Variants in PAK1 observed in about 807,000 individuals in gnomAD.
PAK1 encodes the protein p21 (RAC1) activated kinase 1.
A neutral mutation model predicts 67.4 loss-of-function variants in PAK1; 29 were observed. That is an observed-to-expected ratio of 0.43 (90% CI 0.32 to 0.59). The LOEUF is 0.59. PAK1 is among the 20% of genes least tolerant of loss of function. The pLI is 0.07. For synonymous variants in PAK1, 223 were observed against 237.4 expected (o/e 0.94, Z 0.56); for missense variants, 337 against 670.7 (o/e 0.50, Z 5.50).
chr11:77,522,806 A>G, the PAK1 span, among the ~76,000 whole-genome samples: 2 of 152,218 alleles, frequency 1.3e-5, no homozygotes, highest in Non-Finnish European at 2.9e-5. Flanking sequence ...AATAGCAAAG[A>G]CATGAAATCA....
chr11:77,324,776 C>CAG (rs749691736), intron 14 of PAK1, among the ~76,000 whole-genome samples: 5,984 of 126,816 alleles, frequency 0.047, 222 homozygotes, highest in African/African-American at 0.17. Context: ...CACACACACA[C>CAG]AGAGAGAGAG....
intron 14 of PAK1, among the ~76,000 whole-genome samples, chr11:77,332,362 GGGAA>G: frequency 1.7e-3 from 2 of 1,176 alleles, no homozygotes; most frequent in Non-Finnish European, 6.7e-3. Context: ...GGGAAGGGAA[GGGAA>G]AGGAAGGGAA....
chr11:77,426,078 C>CTTTTT (rs35602138), intron 1 of PAK1, among the ~76,000 whole-genome samples: 1 of 117,240 alleles, frequency 8.5e-6, no homozygotes, highest in African/African-American at 3.4e-5. Context: ...TTGAAGGCCT[C>CTTTTT]TTTTTTTTTT....
chr11:77,364,678 C>T (rs143030209), intron 5 of PAK1, among the ~76,000 whole-genome samples: 9 of 152,100 alleles, frequency 5.9e-5, no homozygotes, highest in South Asian at 4.2e-4. Flanking sequence ...CAGGAAAGCA[C>T]GACCTAGGGG....
chr11:77,338,603 G>A (rs1943101423), intron 11 of PAK1, among the ~76,000 whole-genome samples: 1 of 152,130 alleles, frequency 6.6e-6, no homozygotes, highest in Non-Finnish European at 1.5e-5. Flanking sequence ...CAATCCACCT[G>A]TAGTTATATA....
At chr11:77,354,247 A>T (rs1392322772) in intron 7 of PAK1, among the ~76,000 whole-genome samples, 1 of 152,184 alleles carries the variant, frequency 6.6e-6, no homozygotes, top group Non-Finnish European at 1.5e-5. Context: ...GAAGGGAAGA[A>T]GATACTTCCC....
the PAK1 span, among the ~76,000 whole-genome samples, chr11:77,498,382 C>T: frequency 6.6e-6 from 1 of 152,170 alleles, no homozygotes; most frequent in Non-Finnish European, 1.5e-5. Context: ...ACTCATGGGT[C>T]AGAATTCACA....
intron 1 of PAK1, among the ~76,000 whole-genome samples, chr11:77,399,329 A>G (rs1178802182): frequency 6.6e-6 from 1 of 152,220 alleles, no homozygotes; most frequent in Non-Finnish European, 1.5e-5. Context: ...CCAAACACAC[A>G]TGAAAGAAAT....
upstream of PAK1, among the ~76,000 whole-genome samples, chr11:77,477,955 A>G (rs1958077385): frequency 6.6e-6 from 1 of 152,080 alleles, no homozygotes; most frequent in Non-Finnish European, 1.5e-5. Flanking sequence ...TATTTACCCA[A>G]TTTTTCCAGT....
chr11:77,355,792 G>A lies in PAK1; in HGVS notation c.648C>T (p.Asp216=), dbSNP rs770814643. The part of the protein sequence containing the change: ...IEPLPVTPTR[D]VATSPISPTE... ...TAGGTGAAATGGGAGATGTAGCCACGTCCCGAGTTGGAGTGACAGGAAGTG... is the reference window on the plus strand; with the variant it reads ...TAGGTGAAATGGGAGATGTAGCCACATCCCGAGTTGGAGTGACAGGAAGTG... Residue 216 remains aspartate, a synonymous_variant, in exon 7 of 15, where the codon GAC becomes GAT. Transcript: ENST00000356341. 1.5e-5 allele frequency: 25 copies of A among 1,613,214 alleles called. No homozygotes were observed. Among genetic ancestry groups the A allele is most frequent in the South Asian group, 5.5e-5 (5 of 91,064 alleles).
At position 77,393,107 on chromosome 11, in the gene PAK1, C is replaced by CT. The variant is rs768241207; in HGVS notation, c.-21-567dup. ...CCATTCATTTATAAATTGTCTATGGCTTTTTTTTTTTACCTGATGCTGGCA... is the reference window on the plus strand; with the variant it reads ...CCATTCATTTATAAATTGTCTATGGCTTTTTTTTTTTTACCTGATGCTGGCA... On this transcript the variant is annotated intron_variant, in intron 1 of 14. Coordinates refer to ENST00000356341, the MANE Select transcript of PAK1 (RefSeq NM_002576.5). 4.3e-3 allele frequency among the ~76,000 whole-genome samples: 625 copies of CT among 145,278 alleles called. 3 individuals carry two copies. The highest frequency in any genetic ancestry group is 5.6e-3 in the Non-Finnish European group (365 of 65,738).
chr11:77,527,816 T>C, the PAK1 span, among the ~76,000 whole-genome samples: 2 of 152,172 alleles, frequency 1.3e-5, no homozygotes, highest in African/African-American at 4.8e-5. Context: ...ATTAATACTC[T>C]GCATCATTGT....
intron 5 of PAK1, among the ~76,000 whole-genome samples, chr11:77,367,436 GA>G (rs1306653739): frequency 5.9e-5 from 9 of 151,546 alleles, no homozygotes; most frequent in African/African-American, 2.2e-4. Flanking sequence ...AAACAGGAAG[GA>G]AAAAACATCC....
Position 77,383,558 on chromosome 11 carries a change from C to T in PAK1, c.191-3564G>A, listed in dbSNP as rs575329849. ...CAGGCTGGTCTCGAACTCCTGAACT[C>T]GGGTGATCCACCCACCTTGGCCTCC... On this transcript the variant is annotated intron_variant, in intron 2 of 14. Coordinates refer to ENST00000356341, the MANE Select transcript of PAK1 (RefSeq NM_002576.5). Among the ~76,000 whole-genome samples, 5 of 152,208 alleles carry T rather than the reference C, an allele frequency of 3.3e-5. No individual in the cohort carries two copies. In the East Asian group the frequency reaches 7.7e-4, roughly 24 times the overall value.
chr11:77,492,337 C>CA, the PAK1 span, among the ~76,000 whole-genome samples: 26,082 of 140,744 alleles, frequency 0.19, 2,818 homozygotes, highest in South Asian at 0.35. Context: ...CTCCATCTCA[C>CA]AAAAAAAACA....
At chr11:77,474,571 A>G (rs932680245), upstream of PAK1, 10 of 152,300 alleles carry the variant, frequency 6.6e-5, no homozygotes, top group East Asian at 1.9e-3. Context: ...TCAGGTTAAC[A>G]AAGCACCACC....
intron 2 of PAK1, among the ~76,000 whole-genome samples, chr11:77,390,476 C>T (rs996319315): frequency 6.6e-6 from 1 of 152,080 alleles, no homozygotes; most frequent in Non-Finnish European, 1.5e-5. Context: ...GCTGGGATTA[C>T]AGGCATGAGC....
chr11:77,372,440 G>T (rs1948565584), intron 5 of PAK1, among the ~76,000 whole-genome samples: 1 of 152,196 alleles, frequency 6.6e-6, no homozygotes, highest in South Asian at 2.1e-4. Flanking sequence ...CAGAGAGTCA[G>T]TAAGAAAGGA....
intron 1 of PAK1, among the ~76,000 whole-genome samples, chr11:77,467,035 TC>T (rs1957629673): frequency 6.6e-6 from 1 of 152,114 alleles, no homozygotes; most frequent in Non-Finnish European, 1.5e-5. Flanking sequence ...CTCTCACGCC[TC>T]CCCACTTTAC....
Sources: allele counts gnomAD v4.1 joint callset (sites outside exome capture counted in the v4.1 genomes callset), GRCh38; gene constraint gnomAD v4.1.1; transcripts MANE v1.5; gene names NCBI Gene and HGNC (gene_info 2026-07-23, HGNC 2026-07-21).